The following GPR174 variants were observed in gnomAD, a reference collection of about 807,000 sequenced individuals.
GPR174 encodes G protein-coupled receptor 174, also known as probable G protein-coupled receptor 174.
GPR174 carries 8 observed loss-of-function variants against 16.5 expected under a neutral mutation model. The ratio of observed to expected loss-of-function variants is 0.48; its 90% CI spans 0.28 to 0.87. GPR174 has a LOEUF of 0.87. Ranked by LOEUF, GPR174 falls within the 40% of genes least tolerant of loss-of-function variation. The probability of loss-of-function intolerance (pLI) is 0.09; values close to 1 mark genes in which losing one functional copy is unlikely to be tolerated. For missense variants in GPR174, 214 were observed against 247.5 expected, an observed-to-expected ratio of 0.86 and a Z score of 0.91; for synonymous variants, 111 against 94.8, an observed-to-expected ratio of 1.17 and a Z score of -0.99.
At chrX:79,151,516 A>G (rs1926601444) in intron 1 of GPR174, among the ~76,000 whole-genome samples, 1 of 111,400 alleles carries the variant, frequency 9.0e-6, no homozygotes, top group South Asian at 3.7e-4. Context: ...GTTGATTGTC[A>G]AAGCTCTTTC....
In GPR174 at chrX:79,144,826, T is replaced by C. The variant is rs1448459019; in HGVS notation, c.-1045T>C. 9.0e-6 allele frequency: 1 copy of C among 111,146 alleles called. No individual in the cohort carries two copies. The highest frequency in any genetic ancestry group is 1.9e-5 in the Non-Finnish European group (1 of 52,878). The allele number at this position is 111,146 out of a possible 1,213,427, so 9.2% of individuals were successfully genotyped here. Reference sequence around the variant, plus strand: ...CATAATTTTTCTTTTGGCTTTCTTTTATTTTGTATTATTTTTACTTTTATT... The same window carrying C: ...CATAATTTTTCTTTTGGCTTTCTTTCATTTTGTATTATTTTTACTTTTATT... On this transcript the variant is annotated 5_prime_UTR_variant, in exon 1 of 3. Coordinates refer to ENST00000645147, the MANE Select transcript of GPR174 (RefSeq NM_032553.3).
At chrX:79,159,404 C>T (rs1030143954) in intron 2 of GPR174, among the ~76,000 whole-genome samples, 1 of 112,276 alleles carries the variant, frequency 8.9e-6, no homozygotes, top group South Asian at 3.7e-4. Flanking sequence ...GCATTCAGCC[C>T]TTGGCCACAA....
At chrX:79,160,328 G>A (rs934778035) in intron 2 of GPR174, among the ~76,000 whole-genome samples, 3 of 111,533 alleles carry the variant, frequency 2.7e-5, no homozygotes, top group Non-Finnish European at 5.7e-5. Context: ...CATGATGCAT[G>A]TTCTGAGTGT....
intron 2 of GPR174, among the ~76,000 whole-genome samples, chrX:79,157,510 A>G (rs1460912293): frequency 1.8e-5 from 2 of 111,791 alleles, no homozygotes; most frequent in East Asian, 5.6e-4. Context: ...AATGCTTTCA[A>G]TGTTAAACTT....
At position 79,174,397 on chromosome X, in the gene GPR174, A is replaced by C. The variant is rs1921588897; in HGVS notation, c.*2388A>C. The stretch of plus-strand genomic sequence containing the variant: ...ATTCACACCATGGTGCTAATAGCTA[A>C]TGTTAGGTTCATATTAATTTACCCA... On this transcript the variant is annotated 3_prime_UTR_variant, in exon 3 of 3. Transcript: ENST00000645147. The C allele has an allele frequency of 9.4e-6, 1 of 106,924 alleles. No individual in the cohort carries two copies. Among genetic ancestry groups the C allele is most frequent in the Non-Finnish European group, 1.9e-5 (1 of 51,922 alleles). 8.8% of individuals were successfully genotyped at this position (106,924 alleles called of 1,213,427 possible).
rs147730843 is a variant in GPR174 at position 79,153,878 on chromosome X, C to A, written c.-653-2944C>A. Among the ~76,000 whole-genome samples the A allele has an allele frequency of 3.3e-3, 374 of 111,749 alleles. 3 individuals are homozygous for A. The highest frequency in any genetic ancestry group is 0.012 in the African/African-American group (361 of 30,837). On this transcript the variant is annotated intron_variant, in intron 1 of 2. Transcript: ENST00000645147. ...ACTTGTTATATAACTCAGGATGAGT[C>A]TTACTTACTTTCTTTGGGCCTCAGT... is the stretch of plus-strand genomic sequence containing the variant.
At chrX:79,161,854 G>A (rs996932277) in intron 2 of GPR174, among the ~76,000 whole-genome samples, 2 of 111,877 alleles carry the variant, frequency 1.8e-5, no homozygotes, top group Non-Finnish European at 3.8e-5. Context: ...AATAAAAATA[G>A]CACTACATTG....
chrX:79,158,019 C>A (rs1053866825), intron 2 of GPR174, among the ~76,000 whole-genome samples: 1 of 106,888 alleles, frequency 9.4e-6, no homozygotes, highest in Admixed American at 9.8e-5. Flanking sequence ...CATGTGTAAC[C>A]CAAGTATTTA....
chrX:79,164,831 T>G (rs1921317966), intron 2 of GPR174, among the ~76,000 whole-genome samples: 1 of 111,241 alleles, frequency 9.0e-6, no homozygotes, highest in Non-Finnish European at 1.9e-5. Flanking sequence ...GGAGGCTTAT[T>G]TTCAATTATC....
chrX:79,161,868 C>T (rs981457030), intron 2 of GPR174, among the ~76,000 whole-genome samples: 4 of 111,552 alleles, frequency 3.6e-5, no homozygotes, highest in Non-Finnish European at 7.5e-5. Context: ...TACATTGCCA[C>T]AAAGAAGTGT....
Position 79,171,270 on chromosome X carries a change from C to G in GPR174, c.263C>G (p.Pro88Arg). 1 of 1,211,429 alleles carries G rather than the reference C, an allele frequency of 8.3e-7. No homozygotes were observed. The highest frequency in any genetic ancestry group is 1.1e-6 in the Non-Finnish European group (1 of 895,219). ...YYLNHDWPFG[P>R]GLCMFCFYLK... ...TTGAATCATGACTGGCCATTTGGGC[C>G]TGGTCTCTGCATGTTCTGTTTCTAC... Residue 88 changes from proline (P) to arginine (R), a missense_variant, in exon 3 of 3, where the codon CCT becomes CGT. Transcript: ENST00000645147.
At position 79,145,228 on chromosome X, in the gene GPR174, ATTAT is replaced by A. The variant is rs1211971282; in HGVS notation, c.-654+16_-654+19del. ...AAAGAAACTGAAATGGTAGGTTCTAATTATTTATGCATAATTAGCTCTCGTCTGT... is the reference window on the plus strand; with the variant it reads ...AAAGAAACTGAAATGGTAGGTTCTAATTATGCATAATTAGCTCTCGTCTGT... On this transcript the variant is annotated intron_variant, in intron 1 of 2. Coordinates refer to ENST00000645147, the MANE Select transcript of GPR174 (RefSeq NM_032553.3). 1 of 110,190 alleles carries A rather than the reference ATTAT, an allele frequency of 9.1e-6. No homozygotes were observed. The highest frequency in any genetic ancestry group is 1.9e-5 in the Non-Finnish European group (1 of 52,747). 9.1% of individuals were successfully genotyped at this position (110,190 alleles called of 1,213,427 possible).
chrX:79,147,193 G>A (rs1926517647), intron 1 of GPR174, among the ~76,000 whole-genome samples: 1 of 111,240 alleles, frequency 9.0e-6, no homozygotes, highest in Non-Finnish European at 1.9e-5. Flanking sequence ...GACTCGTAGA[G>A]GTGAAGTGAC....
chrX:79,158,383 T>C (rs1168033838), intron 2 of GPR174, among the ~76,000 whole-genome samples: 1 of 108,157 alleles, frequency 9.2e-6, no homozygotes, highest in Non-Finnish European at 1.9e-5. Context: ...CATATGTTAG[T>C]GATTCATGTT....
intron 1 of GPR174, among the ~76,000 whole-genome samples, chrX:79,146,625 GTAA>G (rs1313722557): frequency 1.8e-5 from 2 of 112,216 alleles, no homozygotes; most frequent in Admixed American, 1.9e-4. Flanking sequence ...TTATATGTTT[GTAA>G]TAATATTTGT....
rs1159170176 is a variant in GPR174 at position 79,172,772 on chromosome X, A to G, written c.*763A>G. 3 of 111,804 alleles carry G rather than the reference A, an allele frequency of 2.7e-5. No homozygotes were observed. Among genetic ancestry groups the G allele is most frequent in the South Asian group, 3.8e-4 (1 of 2,666 alleles). 9.2% of individuals were successfully genotyped at this position (111,804 alleles called of 1,213,427 possible). On this transcript the variant is annotated 3_prime_UTR_variant, in exon 3 of 3. Coordinates refer to ENST00000645147, the MANE Select transcript of GPR174 (RefSeq NM_032553.3). ...GTCAAAGTCCATACAAGGTGACTCA[A>G]TTGGGCTCTAGGCCTAGGAGAAAGC... is the stretch of plus-strand genomic sequence containing the variant.
At chrX:79,156,609 A>T (rs1878106332) in intron 1 of GPR174, among the ~76,000 whole-genome samples, 1 of 111,723 alleles carries the variant, frequency 9.0e-6, no homozygotes, top group African/African-American at 3.3e-5. Context: ...TCTTTCCGAA[A>T]GCTGCCATGT....
At chrX:79,164,117 A>G (rs1311279837) in intron 2 of GPR174, among the ~76,000 whole-genome samples, 1 of 111,115 alleles carries the variant, frequency 9.0e-6, no homozygotes, top group Non-Finnish European at 1.9e-5. Flanking sequence ...CTGAGCTCCA[A>G]ATGAATATGT....
rs921718125 is a variant in GPR174, at chrX:79,144,737, A to T, written c.-1134A>T. On this transcript the variant is annotated 5_prime_UTR_variant, in exon 1 of 3. An upstream start codon of the reference 5' UTR is lost. Transcript: ENST00000645147. ...TATTTCACTCTGACATCTTACTACT[A>T]TGCTTTTCAACATGATAGTGGTTAG... The T allele has an allele frequency of 4.5e-5, 5 of 111,113 alleles. No homozygotes were observed. Among genetic ancestry groups the T allele is most frequent in the African/African-American group, 1.6e-4 (5 of 30,537 alleles). The allele number at this position is 111,113 out of a possible 1,213,427, so 9.2% of individuals were successfully genotyped here. A position where few individuals can be genotyped will look rare whatever the true frequency, so the allele number is the denominator to read the frequency against.
Sources: gnomAD v4.1 joint callset for allele counts (sites outside exome capture counted in the v4.1 genomes callset) on GRCh38, gnomAD v4.1.1 for gene constraint, MANE v1.5 for transcripts, NCBI Gene and HGNC (gene_info 2026-07-23, HGNC 2026-07-21) for gene names.